SIPA1L3: variants seen among roughly 807,000 people sequenced by gnomAD.
SIPA1L3 encodes signal-induced proliferation-associated 1-like protein 3.
In SIPA1L3, 59 loss-of-function variants were observed where a neutral mutation model predicts 150.1. The observed-to-expected ratio is 0.39, with a 90% confidence interval of 0.32 to 0.49. The LOEUF (loss-of-function observed/expected upper bound fraction) is 0.49, where lower values mean the gene tolerates loss of function less well. Ranked by LOEUF, SIPA1L3 falls within the 20% of genes least tolerant of loss-of-function variation. The probability of loss-of-function intolerance (pLI) is 0.86; values close to 1 mark genes in which losing one functional copy is unlikely to be tolerated. For missense variants in SIPA1L3, 2,211 were observed against 2,489.5 expected (o/e 0.89, Z 2.38); for synonymous variants, 1,070 against 1,077.6 (o/e 0.99, Z 0.14).
chr19:38,076,579 C>G (rs1359468914), intron 2 of SIPA1L3, among the ~76,000 whole-genome samples: 1 of 152,128 alleles, frequency 6.6e-6, no homozygotes, highest in Non-Finnish European at 1.5e-5. Flanking sequence ...AGGTTCTCAC[C>G]TAGTTTTCAT....
chr19:37,963,113 C>G (rs1028209474), intron 1 of SIPA1L3, among the ~76,000 whole-genome samples: 2 of 152,076 alleles, frequency 1.3e-5, no homozygotes, highest in African/African-American at 4.8e-5. Flanking sequence ...GGATCTGTGT[C>G]TGTGGGTTGG....
chr19:38,038,212 A>G (rs941139085), intron 2 of SIPA1L3, among the ~76,000 whole-genome samples: 2 of 152,174 alleles, frequency 1.3e-5, no homozygotes, highest in African/African-American at 4.8e-5. Context: ...TAGAGTGGAC[A>G]GGACTTGCTA....
chr19:37,920,458 T>G (rs756542642), intron 1 of SIPA1L3, among the ~76,000 whole-genome samples: 39 of 152,112 alleles, frequency 2.6e-4, no homozygotes, highest in Non-Finnish European at 4.4e-4. Context: ...AGGCAGAGAG[T>G]GCAGGGGCTC....
At chr19:37,936,670 A>G (rs1032107564) in intron 1 of SIPA1L3, among the ~76,000 whole-genome samples, 9 of 152,246 alleles carry the variant, frequency 5.9e-5, no homozygotes, top group Non-Finnish European at 4.4e-5. Context: ...ACAGAGGCAC[A>G]GAGAGGTTCA....
chr19:38,065,750 G>A (rs1198039984), intron 2 of SIPA1L3, among the ~76,000 whole-genome samples: 2 of 152,120 alleles, frequency 1.3e-5, no homozygotes, highest in Admixed American at 6.6e-5. Context: ...TTGGCGTGCA[G>A]TGAGCACACG....
At chr19:38,073,671 AAT>A (rs1969772257) in intron 2 of SIPA1L3, among the ~76,000 whole-genome samples, 1 of 152,328 alleles carries the variant, frequency 6.6e-6, no homozygotes, top group Admixed American at 6.5e-5. Flanking sequence ...CCAGAGGAGC[AAT>A]CTTAGAAAAC....
At position 38,078,397 on chromosome 19, in the gene SIPA1L3, G is replaced by C. The variant is rs1969895194; in HGVS notation, c.-310-2859G>C. 2.0e-5 allele frequency among the ~76,000 whole-genome samples: 3 copies of C among 150,496 alleles called. No homozygotes were observed. In the South Asian group the frequency reaches 6.3e-4, roughly 31 times the overall value. ...TCTCTGCCAGTGCGCTCCATAACTG[G>C]GCATAAATTAGGAAAAGCCCCCCTA... On this transcript the variant is annotated intron_variant, in intron 2 of 21. Transcript: ENST00000222345.
rs141568044 is a variant in SIPA1L3, at chr19:38,137,913, T to C, written c.3144-3271T>C. Among the ~76,000 whole-genome samples the C allele has an allele frequency of 2.7e-3, 405 of 152,084 alleles. 3 individuals are homozygous for C. Among genetic ancestry groups the C allele is most frequent in the African/African-American group, 9.1e-3 (378 of 41,488 alleles). On this transcript the variant is annotated intron_variant, in intron 10 of 21. Coordinates refer to ENST00000222345, the MANE Select transcript of SIPA1L3 (RefSeq NM_015073.3). ...TGGGAGGCCGAGGTGGATGCATCACTTGAGGTCAGGAGTTTGAGACCAGCC... is the reference window on the plus strand; with the variant it reads ...TGGGAGGCCGAGGTGGATGCATCACCTGAGGTCAGGAGTTTGAGACCAGCC...
chr19:38,025,431 T>C (rs186142094), intron 1 of SIPA1L3, among the ~76,000 whole-genome samples: 282 of 152,316 alleles, frequency 1.9e-3, no homozygotes, highest in Non-Finnish European at 3.2e-3. Context: ...TTCCCGGATC[T>C]GTAGCCCTCC....
intron 2 of SIPA1L3, among the ~76,000 whole-genome samples, chr19:38,063,122 G>T (rs1223567647): frequency 6.6e-6 from 1 of 152,188 alleles, no homozygotes; most frequent in African/African-American, 2.4e-5. Flanking sequence ...TCTGCACAGG[G>T]CCTGGCTCCC....
At chr19:38,100,256 C>T in intron 5 of SIPA1L3, 106 bp downstream of exon 5, 1 of 866,748 alleles carries the variant, frequency 1.2e-6, no homozygotes, top group South Asian at 2.1e-5. Context: ...TTGCAAGTAA[C>T]AGAAACCTAC....
At chr19:38,133,554 C>G (rs1262570335) in intron 10 of SIPA1L3, among the ~76,000 whole-genome samples, 1 of 152,036 alleles carries the variant, frequency 6.6e-6, no homozygotes, top group Non-Finnish European at 1.5e-5. Flanking sequence ...AGAGGACAGC[C>G]AAGGCCTTGG....
At chr19:37,968,944 C>A (rs1458483986) in intron 1 of SIPA1L3, among the ~76,000 whole-genome samples, 1 of 152,218 alleles carries the variant, frequency 6.6e-6, no homozygotes, top group Non-Finnish European at 1.5e-5. Context: ...CCCATTGACA[C>A]ATCATGTCCT....
chr19:38,047,615 C>T lies in SIPA1L3; in HGVS notation c.-311+18459C>T, dbSNP rs553397625. Among the ~76,000 whole-genome samples the T allele has an allele frequency of 2.0e-5, 3 of 152,322 alleles. No individual in the cohort carries two copies. The highest frequency in any genetic ancestry group is 1.9e-4 in the East Asian group (1 of 5,186). On this transcript the variant is annotated intron_variant, in intron 2 of 21. Coordinates refer to ENST00000222345, the MANE Select transcript of SIPA1L3 (RefSeq NM_015073.3). This position sits in a 1 kb window ranked among gnomAD's most constrained non-coding sequence, Gnocchi z 4.7. The stretch of plus-strand genomic sequence containing the variant: ...AGTCACAGGCGATCTGTGGGTAGAG[C>T]GATGATTGAACCCGGGCCGGGCTGA...
At chr19:38,124,237 T>C (rs1475376220) in intron 9 of SIPA1L3, among the ~76,000 whole-genome samples, 1 of 148,230 alleles carries the variant, frequency 6.7e-6, no homozygotes, top group Non-Finnish European at 1.5e-5. Flanking sequence ...GGCTCCTCAC[T>C]TCTCAGATGG....
intron 4 of SIPA1L3, among the ~76,000 whole-genome samples, chr19:38,096,227 A>C (rs1359320979): frequency 6.6e-6 from 1 of 152,126 alleles, no homozygotes; most frequent in Admixed American, 6.6e-5. Flanking sequence ...ATGTTTTTGC[A>C]GTTAATACTT....
chr19:38,063,402 G>A (rs1238999387), intron 2 of SIPA1L3, among the ~76,000 whole-genome samples: 1 of 152,214 alleles, frequency 6.6e-6, no homozygotes, highest in East Asian at 1.9e-4. Context: ...GATAAGCAGA[G>A]CCGGAGCCAC....
At chr19:37,999,000 CACA>C (rs1967714771) in intron 1 of SIPA1L3, among the ~76,000 whole-genome samples, 4 of 151,642 alleles carry the variant, frequency 2.6e-5, no homozygotes, top group Non-Finnish European at 5.9e-5. Context: ...CACACACACA[CACA>C]CACACACACC....
intron 15 of SIPA1L3, 79 bp from the exon 16 acceptor site, chr19:38,182,440 G>A: frequency 1.8e-6 from 2 of 1,081,346 alleles, no homozygotes; most frequent in East Asian, 4.8e-5. Context: ...TGATTCCCAA[G>A]AGTAAACTTC....
Sources: gnomAD v4.1 joint callset for allele counts (sites outside exome capture counted in the v4.1 genomes callset) on GRCh38, gnomAD v4.1.1 for gene constraint, Gnocchi (gnomAD v3.1) non-coding constraint, MANE v1.5 for transcripts, NCBI Gene and HGNC (gene_info 2026-07-23, HGNC 2026-07-21) for gene names.